Variants in KIR3DL2 observed in about 807,000 individuals in gnomAD.
KIR3DL2 encodes the protein killer cell immunoglobulin like receptor, three Ig domains and long cytoplasmic tail 2.
A neutral mutation model predicts 41.6 loss-of-function variants in KIR3DL2; 42 were observed. That is an observed-to-expected ratio of 1.01 (90% confidence interval 0.79 to 1.31). The LOEUF is 1.31. Among genes scored for constraint, KIR3DL2 ranks in the 50% most tolerant of loss-of-function variants. The pLI, the probability that KIR3DL2 is intolerant of heterozygous loss-of-function variation, is 0.00. For synonymous variants in KIR3DL2, 230 were observed against 221.3 expected, an observed-to-expected ratio of 1.04 and a Z score of -0.35; for missense variants, 728 against 576.8, an observed-to-expected ratio of 1.26 and a Z score of -2.68.
intron 5 of KIR3DL2, 128 bp downstream of exon 5, chr19:54,856,040 G>C: frequency 8.3e-7 from 1 of 1,202,596 alleles, no homozygotes; most frequent in Non-Finnish European, 1.2e-6. Context: ...TGAGGGGGGG[G>C]TCAGGGTGCA....
intron 4 of KIR3DL2, among the ~76,000 whole-genome samples, chr19:54,854,527 C>T (rs1353544473): frequency 1.3e-5 from 2 of 151,738 alleles, no homozygotes; most frequent in African/African-American, 2.4e-5. Context: ...GCAGTGGAGC[C>T]ATAATTATCC....
At position 54,866,874 on chromosome 19, in the gene KIR3DL2, C is replaced by A; in HGVS notation, c.*143C>A. 1 of 916,526 alleles carries A rather than the reference C, an allele frequency of 1.1e-6. No homozygotes were observed. The highest frequency in any genetic ancestry group is 1.7e-6 in the Non-Finnish European group (1 of 601,454). 56.8% of individuals were successfully genotyped at this position (916,526 alleles called of 1,614,324 possible). A position where few individuals can be genotyped will look rare whatever the true frequency, so the allele number is the denominator to read the frequency against. On this transcript the variant is annotated 3_prime_UTR_variant, in exon 9 of 9. Coordinates refer to ENST00000326321, the MANE Select transcript of KIR3DL2 (RefSeq NM_006737.4). ...CATGCCTCTCTCTTGCTTACAAATG[C>A]CTAAGGTCGCCACTGCCTGCTGCAG...
chr19:54,864,873 G>C (rs1278136932), intron 6 of KIR3DL2, among the ~76,000 whole-genome samples: 1 of 151,832 alleles, frequency 6.6e-6, no homozygotes, highest in Admixed American at 6.6e-5. Flanking sequence ...TAATTGCCCT[G>C]GCCAGAACTT....
At chr19:54,865,111 A>C (rs1286623518) in intron 6 of KIR3DL2, among the ~76,000 whole-genome samples, 1 of 152,008 alleles carries the variant, frequency 6.6e-6, no homozygotes, top group East Asian at 1.9e-4. Flanking sequence ...ATCTATTGAG[A>C]TAGTCGTCCG....
At chr19:54,860,823 G>T (rs2065119649) in intron 6 of KIR3DL2, among the ~76,000 whole-genome samples, 1 of 145,424 alleles carries the variant, frequency 6.9e-6, no homozygotes, top group African/African-American at 2.5e-5. Flanking sequence ...ACAGCTGTCA[G>T]CCGTGAAGGC....
chr19:54,855,080 T>C (rs1297091864), intron 4 of KIR3DL2, among the ~76,000 whole-genome samples: 1 of 149,098 alleles, frequency 6.7e-6, no homozygotes, highest in Non-Finnish European at 1.5e-5. Context: ...AGAAGACACA[T>C]ATATAAATAT....
chr19:54,859,859 T>C (rs1184966352), intron 6 of KIR3DL2, among the ~76,000 whole-genome samples: 1 of 152,050 alleles, frequency 6.6e-6, no homozygotes, highest in Non-Finnish European at 1.5e-5. Context: ...TTCTAGAGGC[T>C]CCCATGTTCC....
intron 5 of KIR3DL2, among the ~76,000 whole-genome samples, chr19:54,858,739 A>C (rs2064971148): frequency 6.6e-6 from 1 of 151,462 alleles, no homozygotes; most frequent in African/African-American, 2.4e-5. Flanking sequence ...CACACACAAA[A>C]GAAAGCCATT....
Position 54,866,429 on chromosome 19 carries a change from C to G in KIR3DL2, c.1158+7C>G, listed in dbSNP as rs920394404. On this transcript the variant is annotated splice_region_variant and intron_variant, in intron 8 of 8. Transcript: ENST00000326321. Reference sequence around the variant, plus strand: ...CAGAACAGTGAATAGGCAGGTAGGTCCTCCTCGGCCCAGCCTCACGGATAC... The same window carrying G: ...CAGAACAGTGAATAGGCAGGTAGGTGCTCCTCGGCCCAGCCTCACGGATAC... The G allele has an allele frequency of 6.8e-6, 11 of 1,613,726 alleles. No individual in the cohort carries two copies. Among genetic ancestry groups the G allele is most frequent in the Middle Eastern group, 3.3e-4 (2 of 6,062 alleles).
rs1013977200 is a variant in KIR3DL2 at position 54,866,982 on chromosome 19, C to T, written c.*251C>T. 14 of 555,750 alleles carry T rather than the reference C, an allele frequency of 2.5e-5. No homozygotes were observed. Among genetic ancestry groups the T allele is most frequent in the Non-Finnish European group, 3.8e-5 (12 of 315,750 alleles). 34.4% of individuals were successfully genotyped at this position (555,750 alleles called of 1,614,324 possible). A position where few individuals can be genotyped will look rare whatever the true frequency, so the allele number is the denominator to read the frequency against. ...CCTCTCCAACCTAACTGGCTTACTTCCTAGTCCTACTTGAGGCTGCAATCA... is the reference window on the plus strand; with the variant it reads ...CCTCTCCAACCTAACTGGCTTACTTTCTAGTCCTACTTGAGGCTGCAATCA... On this transcript the variant is annotated 3_prime_UTR_variant, in exon 9 of 9. Transcript: ENST00000326321.
rs2065462518 is a variant in KIR3DL2 at position 54,865,787 on chromosome 19, A to G, written c.1001-18A>G. On this transcript the variant is annotated intron_variant, in intron 6 of 8. Transcript: ENST00000326321. ...ACTGCTATGATTAGCTTCTTATTGGATTCCCATCTTCCTCCAGGTATCTGC... is the reference window on the plus strand; with the variant it reads ...ACTGCTATGATTAGCTTCTTATTGGGTTCCCATCTTCCTCCAGGTATCTGC... The G allele has an allele frequency of 6.5e-7, 1 of 1,530,408 alleles. No individual in the cohort carries two copies. The highest frequency in any genetic ancestry group is 2.2e-5 in the East Asian group (1 of 44,540). 94.8% of individuals were successfully genotyped at this position (1,530,408 alleles called of 1,614,324 possible). A position where few individuals can be genotyped will look rare whatever the true frequency, so the allele number is the denominator to read the frequency against.
chr19:54,862,184 C>T (rs1480373056), intron 6 of KIR3DL2, among the ~76,000 whole-genome samples: 4 of 152,086 alleles, frequency 2.6e-5, no homozygotes, highest in Non-Finnish European at 5.9e-5. Context: ...AAGAGTAGCA[C>T]GTTTCACATG....
intron 6 of KIR3DL2, among the ~76,000 whole-genome samples, chr19:54,864,280 T>C (rs1273214332): frequency 1.3e-5 from 2 of 152,148 alleles, no homozygotes; most frequent in Non-Finnish European, 2.9e-5. Flanking sequence ...TAGTTTGAAG[T>C]CAGGCAGCAT....
intron 2 of KIR3DL2, 89 bp from the exon 3 acceptor site, chr19:54,851,908 GA>G: frequency 6.6e-7 from 1 of 1,523,092 alleles, no homozygotes; most frequent in Non-Finnish European, 9.0e-7. Flanking sequence ...AGGAGCCTTA[GA>G]AAGCGGAAAT....
intron 1 of KIR3DL2, 71 bp from the exon 2 acceptor site, chr19:54,851,149 A>T: frequency 5.1e-6 from 8 of 1,575,466 alleles, no homozygotes; most frequent in Admixed American, 1.7e-5. Flanking sequence ...CAAGACACAC[A>T]GTGCAGTGGG....
chr19:54,865,129 T>C (rs1432007979), intron 6 of KIR3DL2, among the ~76,000 whole-genome samples: 1 of 152,068 alleles, frequency 6.6e-6, no homozygotes, highest in Admixed American at 6.5e-5. Flanking sequence ...CCGGTTTTTG[T>C]CTTTGGTTCT....
chr19:54,860,337 A>G (rs1312727430), intron 6 of KIR3DL2, among the ~76,000 whole-genome samples: 1 of 152,076 alleles, frequency 6.6e-6, no homozygotes, highest in African/African-American at 2.4e-5. Context: ...ATCTATTGAG[A>G]AGCATCTGTG....
At chr19:54,858,574 C>T (rs1206941829) in intron 5 of KIR3DL2, among the ~76,000 whole-genome samples, 1 of 151,340 alleles carries the variant, frequency 6.6e-6, no homozygotes, top group Admixed American at 6.6e-5. Flanking sequence ...ACTAAAAATA[C>T]AAAAATTAGC....
intron 4 of KIR3DL2, among the ~76,000 whole-genome samples, chr19:54,854,730 G>T (rs2064596505): frequency 6.6e-6 from 1 of 151,842 alleles, no homozygotes. Flanking sequence ...AGGGGATTGA[G>T]AGACTCACAG....
Sources: gnomAD v4.1 joint callset for allele counts (sites outside exome capture counted in the v4.1 genomes callset) on GRCh38, gnomAD v4.1.1 for gene constraint, MANE v1.5 for transcripts, NCBI Gene and HGNC (gene_info 2026-07-23, HGNC 2026-07-21) for gene names.